DYNC1I1: variants seen among roughly 807,000 people sequenced by gnomAD.
DYNC1I1 encodes the protein dynein cytoplasmic 1 intermediate chain 1, also known as cytoplasmic dynein 1 intermediate chain 1.
A neutral mutation model predicts 86.6 loss-of-function variants in DYNC1I1; 43 were observed. The observed-to-expected ratio is 0.50, with a 90% CI of 0.39 to 0.64. The LOEUF (loss-of-function observed/expected upper bound fraction) is 0.64. Ranked by LOEUF, DYNC1I1 falls within the 30% of genes least tolerant of loss-of-function variation. The pLI is 0.00. For synonymous variants in DYNC1I1, 262 were observed against 283.7 expected (o/e 0.92, Z 0.77); for missense variants, 604 against 788.8 (o/e 0.77, Z 2.81).
intron 6 of DYNC1I1, among the ~76,000 whole-genome samples, chr7:95,960,698 A>G (rs1792844040): frequency 6.6e-6 from 1 of 152,184 alleles, no homozygotes; most frequent in South Asian, 2.1e-4. Context: ...GATAATGTGG[A>G]TCCAGAAAGT....
rs181444905 is a variant in DYNC1I1, at chr7:95,858,324, A to C, written c.375-11559A>C. Among the ~76,000 whole-genome samples, 9 of 152,320 alleles carry C rather than the reference A, an allele frequency of 5.9e-5. No homozygotes were observed. In the East Asian group the frequency reaches 1.4e-3, roughly 23 times the overall value. ...GTGATGAACAAAATAACTTGAGATTAAGTCAAGCACAAGAGAAAATGATGC... is the reference window on the plus strand; with the variant it reads ...GTGATGAACAAAATAACTTGAGATTCAGTCAAGCACAAGAGAAAATGATGC... On this transcript the variant is annotated intron_variant, in intron 5 of 16. Coordinates refer to ENST00000447467, the MANE Select transcript of DYNC1I1 (RefSeq NM_001135556.2).
At chr7:95,783,409 G>T (rs2115664863) in intron 1 of DYNC1I1, among the ~76,000 whole-genome samples, 1 of 152,254 alleles carries the variant, frequency 6.6e-6, no homozygotes, top group Non-Finnish European at 1.5e-5. Context: ...CTGAGTGCTT[G>T]GTGGGCACAT....
In DYNC1I1 at chr7:95,810,842, C is replaced by A. The variant is rs77388033; in HGVS notation, c.223+336C>A. 3.9e-3 allele frequency among the ~76,000 whole-genome samples: 595 copies of A among 152,086 alleles called. 4 individuals are homozygous for A. Among genetic ancestry groups the A allele is most frequent in the African/African-American group, 0.013 (524 of 41,512 alleles). Reference sequence around the variant, plus strand: ...TCTTGGAATGTCTTATTAAATTGTTCCTCATTTTCATTGCTGAGTTCCAGT... The same window carrying A: ...TCTTGGAATGTCTTATTAAATTGTTACTCATTTTCATTGCTGAGTTCCAGT... On this transcript the variant is annotated intron_variant, in intron 3 of 16. Transcript: ENST00000447467.
chr7:95,875,353 A>G (rs1322093173), intron 6 of DYNC1I1, among the ~76,000 whole-genome samples: 2 of 152,244 alleles, frequency 1.3e-5, no homozygotes, highest in East Asian at 3.9e-4. Context: ...CGCTTGCAGC[A>G]TTGCTAGAAT....
chr7:95,835,777 A>C (rs1198307259), intron 5 of DYNC1I1, among the ~76,000 whole-genome samples: 1 of 151,682 alleles, frequency 6.6e-6, no homozygotes, highest in Non-Finnish European at 1.5e-5. Context: ...CTGTTTTATC[A>C]GAGACTAGGA....
intron 14 of DYNC1I1, among the ~76,000 whole-genome samples, chr7:96,062,966 T>G (rs2116178454): frequency 6.6e-6 from 1 of 152,118 alleles, no homozygotes. Context: ...GTATTAGCTT[T>G]CCACTCTCCA....
intron 6 of DYNC1I1, among the ~76,000 whole-genome samples, chr7:95,892,531 T>C (rs1790771110): frequency 6.6e-6 from 1 of 152,176 alleles, no homozygotes; most frequent in African/African-American, 2.4e-5. Context: ...CAGGATGGTC[T>C]CTATCTCCTG....
intron 10 of DYNC1I1, among the ~76,000 whole-genome samples, chr7:96,002,907 G>C (rs1424356709): frequency 6.6e-6 from 1 of 151,810 alleles, no homozygotes; most frequent in Non-Finnish European, 1.5e-5. Flanking sequence ...ACAGCAGCAC[G>C]ATCTCAGCTC....
chr7:95,871,771 A>T (rs1790176857), intron 6 of DYNC1I1, among the ~76,000 whole-genome samples: 1 of 152,182 alleles, frequency 6.6e-6, no homozygotes, highest in Non-Finnish European at 1.5e-5. Flanking sequence ...AGAGCTTGGG[A>T]GCCCTCATTA....
At chr7:95,938,834 G>T (rs1172060180) in intron 6 of DYNC1I1, among the ~76,000 whole-genome samples, 1 of 152,064 alleles carries the variant, frequency 6.6e-6, no homozygotes, top group Admixed American at 6.6e-5. Flanking sequence ...AAAAATATTA[G>T]CAATGGATCA....
chr7:95,839,284 G>C (rs1191655658), intron 5 of DYNC1I1, among the ~76,000 whole-genome samples: 1 of 152,116 alleles, frequency 6.6e-6, no homozygotes, highest in Non-Finnish European at 1.5e-5. Flanking sequence ...ACCCACCTCA[G>C]CCTCCTAAAG....
chr7:95,846,354 T>C (rs1394001260), intron 5 of DYNC1I1, among the ~76,000 whole-genome samples: 1 of 152,220 alleles, frequency 6.6e-6, no homozygotes, highest in African/African-American at 2.4e-5. Context: ...AATTCAAAGC[T>C]AACCCTTTGG....
intron 10 of DYNC1I1, among the ~76,000 whole-genome samples, chr7:96,001,609 G>A (rs1407470609): frequency 6.6e-6 from 1 of 152,168 alleles, no homozygotes; most frequent in African/African-American, 2.4e-5. Context: ...TATACTGTGT[G>A]CGTAGCCTTA....
At chr7:96,092,798 T>C (rs890896286) in intron 16 of DYNC1I1, among the ~76,000 whole-genome samples, 13 of 152,198 alleles carry the variant, frequency 8.5e-5, no homozygotes, top group African/African-American at 3.1e-4. Flanking sequence ...TTTTGCACTT[T>C]TGCTTTTGCT....
intron 7 of DYNC1I1, among the ~76,000 whole-genome samples, chr7:95,980,000 C>T (rs544551774): frequency 7.2e-5 from 11 of 152,190 alleles, no homozygotes; most frequent in Non-Finnish European, 1.3e-4. Flanking sequence ...TGATAAGGAG[C>T]CAGGGTATAT....
intron 5 of DYNC1I1, among the ~76,000 whole-genome samples, chr7:95,869,369 T>C (rs1562928335): frequency 1.3e-5 from 2 of 152,202 alleles, no homozygotes; most frequent in African/African-American, 4.8e-5. Context: ...TGCTAATCTG[T>C]GTTAGTTCCT....
chr7:95,953,807 G>A (rs1792625019), intron 6 of DYNC1I1, among the ~76,000 whole-genome samples: 1 of 152,212 alleles, frequency 6.6e-6, no homozygotes, highest in Non-Finnish European at 1.5e-5. Flanking sequence ...TGAAAAGCCT[G>A]TGGCTGGGGT....
intron 6 of DYNC1I1, among the ~76,000 whole-genome samples, chr7:95,937,633 G>T (rs1208246023): frequency 6.6e-6 from 1 of 151,880 alleles, no homozygotes; most frequent in Non-Finnish European, 1.5e-5. Flanking sequence ...ATTATGATTG[G>T]TAGGAGAATG....
At chr7:95,992,258 C>T (rs1399303413) in intron 9 of DYNC1I1, among the ~76,000 whole-genome samples, 1 of 152,102 alleles carries the variant, frequency 6.6e-6, no homozygotes, top group Non-Finnish European at 1.5e-5. Context: ...TGTCTTACCT[C>T]CCTCCATCTA....
Sources: gnomAD v4.1 joint callset for allele counts (sites outside exome capture counted in the v4.1 genomes callset) on GRCh38, gnomAD v4.1.1 for gene constraint, MANE v1.5 for transcripts, NCBI Gene and HGNC (gene_info 2026-07-23, HGNC 2026-07-21) for gene names.